Variants in ZNF200 observed in about 807,000 individuals in gnomAD.
The protein encoded by ZNF200 is zinc finger protein 200.
In ZNF200, 35 loss-of-function variants were observed where a neutral mutation model predicts 33.6. That is an observed-to-expected ratio of 1.04 (90% CI 0.80 to 1.38). The LOEUF (loss-of-function observed/expected upper bound fraction) is 1.38. Ranked by LOEUF, ZNF200 falls within the 40% of genes most tolerant of loss-of-function variation. ZNF200 has a pLI of 0.00. For missense variants in ZNF200, 592 were observed against 470.6 expected (o/e 1.26, Z -2.39); for synonymous variants, 209 against 167.7 (o/e 1.25, Z -1.90).
At chr16:3,231,787 G>A (rs745856549) in intron 4 of ZNF200, among the ~76,000 whole-genome samples, 7 of 152,142 alleles carry the variant, frequency 4.6e-5, no homozygotes, top group African/African-American at 9.7e-5. Flanking sequence ...CCCTGAGTCC[G>A]AATCCCTGTT....
At position 3,222,952 on chromosome 16, in the gene ZNF200, G is replaced by T. The variant is rs142816870; in HGVS notation, c.*940C>A. Reference sequence around the variant, plus strand: ...AAAGGTCTGATGACAGCATAGAGGGGACCTAAGCATATGGTAAGGTTATTG... The same window carrying T: ...AAAGGTCTGATGACAGCATAGAGGGTACCTAAGCATATGGTAAGGTTATTG... On this transcript the variant is annotated 3_prime_UTR_variant, in exon 5 of 5. Coordinates refer to ENST00000414144, the MANE Select transcript of ZNF200 (RefSeq NM_198088.3). 1 of 152,232 alleles carries T rather than the reference G, an allele frequency of 6.6e-6. No individual in the cohort carries two copies. The highest frequency in any genetic ancestry group is 2.4e-5 in the African/African-American group (1 of 41,454). The allele number at this position is 152,232 out of a possible 1,614,324, so 9.4% of individuals were successfully genotyped here. A position where few individuals can be genotyped will look rare whatever the true frequency, so the allele number is the denominator to read the frequency against.
At position 3,222,579 on chromosome 16, in the gene ZNF200, G is replaced by A. The variant is rs904893128; in HGVS notation, c.*1313C>T. On this transcript the variant is annotated 3_prime_UTR_variant, in exon 5 of 5. Coordinates refer to ENST00000414144, the MANE Select transcript of ZNF200 (RefSeq NM_198088.3). ...AATATAATACTCTAATAAATAGAAA[G>A]GCATGTTTCTGGATGGGAAACATAC... 6 of 152,080 alleles carry A rather than the reference G, an allele frequency of 3.9e-5. No individual in the cohort carries two copies. The highest frequency in any genetic ancestry group is 1.4e-4 in the African/African-American group (6 of 41,394). 9.4% of individuals were successfully genotyped at this position (152,080 alleles called of 1,614,324 possible). A position where few individuals can be genotyped will look rare whatever the true frequency, so the allele number is the denominator to read the frequency against.
chr16:3,233,942 C>T, intron 1 of ZNF200, 106 bp from the exon 2 acceptor site: 1 of 812,266 alleles, frequency 1.2e-6, no homozygotes, highest in Non-Finnish European at 1.8e-6. Flanking sequence ...AAGAAAACGA[C>T]AGCTGGGATA....
intron 4 of ZNF200, chr16:3,225,889 C>T (rs2141618998): frequency 6.7e-6 from 1 of 150,098 alleles, no homozygotes; most frequent in African/African-American, 2.4e-5. Flanking sequence ...AGTTTCACAC[C>T]AATAGATTTT....
chr16:3,231,337 C>A (rs1422186815), intron 4 of ZNF200, among the ~76,000 whole-genome samples: 1 of 152,180 alleles, frequency 6.6e-6, no homozygotes, highest in African/African-American at 2.4e-5. Flanking sequence ...AAATTAACTA[C>A]ACTCATTACA....
chr16:3,224,704 T>G lies in ZNF200; in HGVS notation c.467-91A>C, dbSNP rs140076513. The G allele has an allele frequency of 4.1e-5, 60 of 1,476,568 alleles. No homozygotes were observed. The South Asian group carries it at 7.6e-4, about 19-fold the overall frequency. The allele number at this position is 1,476,568 out of a possible 1,614,324, so 91.5% of individuals were successfully genotyped here. On this transcript the variant is annotated intron_variant, in intron 4 of 4. Transcript: ENST00000414144. ...TCAGGTTTCTTATGCCACAGCCACCTTGAACGTCAATCTGGGGAGTGGCGG... is the reference window on the plus strand; with the variant it reads ...TCAGGTTTCTTATGCCACAGCCACCGTGAACGTCAATCTGGGGAGTGGCGG...
rs780856375 is a variant in ZNF200 at position 3,223,911 on chromosome 16, T to C, written c.1169A>G (p.Lys390Arg). ...TRHEKTHSAC[K>R]TRKQK ...CCAGTATTACTTCTGCTTTCGGGTC[T>C]TACAGGCTGAGTGGGTTTTCTCATG... Residue 390 changes from lysine to arginine, a missense_variant, in exon 5 of 5, where the codon AAG becomes AGG. Transcript: ENST00000414144. The C allele has an allele frequency of 6.2e-7, 1 of 1,613,178 alleles. No individual in the cohort carries two copies. Among genetic ancestry groups the C allele is most frequent in the South Asian group, 1.1e-5 (1 of 90,966 alleles).
rs890664450 is a variant in ZNF200, at chr16:3,222,855, A to C, written c.*1037T>G. The C allele has an allele frequency of 6.6e-6, 1 of 152,246 alleles. No homozygotes were observed. Among genetic ancestry groups the C allele is most frequent in the Non-Finnish European group, 1.5e-5 (1 of 68,064 alleles). The allele number at this position is 152,246 out of a possible 1,614,324, so 9.4% of individuals were successfully genotyped here. ...AACCTGTCTCTTGAGAGGCAATGTG[A>C]GCTAACCACTGGAGACGTAATTTCT... On this transcript the variant is annotated 3_prime_UTR_variant, in exon 5 of 5. Coordinates refer to ENST00000414144, the MANE Select transcript of ZNF200 (RefSeq NM_198088.3).
rs890861998 is a variant in ZNF200 at position 3,223,384 on chromosome 16, G to A, written c.*508C>T. 6.5e-6 allele frequency: 1 copy of A among 152,714 alleles called. No individual in the cohort carries two copies. The highest frequency in any genetic ancestry group is 1.5e-5 in the Non-Finnish European group (1 of 68,430). The allele number at this position is 152,714 out of a possible 1,614,324, so 9.5% of individuals were successfully genotyped here. ...GTAAACAATTCCTTTCAACACTCAA[G>A]ACTTAAACAGGTATTCTTAGAGGGT... On this transcript the variant is annotated 3_prime_UTR_variant, in exon 5 of 5. Coordinates refer to ENST00000414144, the MANE Select transcript of ZNF200 (RefSeq NM_198088.3).
chr16:3,223,617 G>A lies in ZNF200; in HGVS notation c.*275C>T, dbSNP rs188001665. ...GATTCATCTTCAAAGTGTTGGGAAA[G>A]GGGATCTGTGACCTGTACATTATCA... On this transcript the variant is annotated 3_prime_UTR_variant, in exon 5 of 5. Coordinates refer to ENST00000414144, the MANE Select transcript of ZNF200 (RefSeq NM_198088.3). 10 of 317,382 alleles carry A rather than the reference G, an allele frequency of 3.2e-5. 1 individual carries two copies. Among genetic ancestry groups the A allele is most frequent in the Admixed American group, 1.4e-4 (3 of 21,910 alleles). 19.7% of individuals were successfully genotyped at this position (317,382 alleles called of 1,614,324 possible). A position where few individuals can be genotyped will look rare whatever the true frequency, so the allele number is the denominator to read the frequency against.
At position 3,223,780 on chromosome 16, in the gene ZNF200, T is replaced by G; in HGVS notation, c.*112A>C. 6.9e-7 allele frequency: 1 copy of G among 1,444,162 alleles called. No individual in the cohort carries two copies. Among genetic ancestry groups the G allele is most frequent in the Non-Finnish European group, 9.2e-7 (1 of 1,092,160 alleles). 89.5% of individuals were successfully genotyped at this position (1,444,162 alleles called of 1,614,324 possible). On this transcript the variant is annotated 3_prime_UTR_variant, in exon 5 of 5. Coordinates refer to ENST00000414144, the MANE Select transcript of ZNF200 (RefSeq NM_198088.3). ...ATGGGCATTTATCCAATTTTGGCAATAATGAGATTTTTACACATTTATACC... is the reference window on the plus strand; with the variant it reads ...ATGGGCATTTATCCAATTTTGGCAAGAATGAGATTTTTACACATTTATACC...
At chr16:3,228,332 C>T (rs896358390) in intron 4 of ZNF200, among the ~76,000 whole-genome samples, 1 of 152,008 alleles carries the variant, frequency 6.6e-6, no homozygotes, top group Non-Finnish European at 1.5e-5. Context: ...TCTGATTACT[C>T]TGTTCTACCT....
In ZNF200 at chr16:3,222,558, T is replaced by C. The variant is rs1596330550; in HGVS notation, c.*1334A>G. The C allele has an allele frequency of 1.3e-5, 2 of 152,074 alleles. No individual in the cohort carries two copies. Among genetic ancestry groups the C allele is most frequent in the Admixed American group, 6.6e-5 (1 of 15,266 alleles). The allele number at this position is 152,074 out of a possible 1,614,324, so 9.4% of individuals were successfully genotyped here. ...AATTAGAAAAATTTTCACAGGAATA[T>C]AATACTCTAATAAATAGAAAGGCAT... On this transcript the variant is annotated 3_prime_UTR_variant, in exon 5 of 5. Coordinates refer to ENST00000414144, the MANE Select transcript of ZNF200 (RefSeq NM_198088.3).
intron 3 of ZNF200, 115 bp from the exon 4 acceptor site, chr16:3,232,662 AATCCCAC>A (rs1287769823): frequency 8.6e-6 from 13 of 1,503,352 alleles, no homozygotes; most frequent in African/African-American, 1.4e-5. Context: ...GGGACCTATA[AATCCCAC>A]AGAGGTGCAG....
rs1406980136 is a variant in ZNF200 at position 3,232,839 on chromosome 16, G to T, written c.333C>A (p.Asn111Lys). 6.2e-7 allele frequency: 1 copy of T among 1,613,694 alleles called. No homozygotes were observed. The highest frequency in any genetic ancestry group is 1.1e-5 in the South Asian group (1 of 91,084). Residue 111 changes from asparagine to lysine, a missense_variant, in exon 3 of 5, where the codon AAC (asparagine) becomes AAA (lysine). Physicochemically the swap from Asn to Lys is moderately conservative, Grantham distance 94. Transcript: ENST00000414144. ...QETVSLYLKANPEELVVFEDL... is the reference protein window; with the variant it reads ...QETVSLYLKAKPEELVVFEDL... ...ATGGGAAAACCAAACCCACCTCAGGGTTAGCTTTCAAATACAGAGACACTG... is the reference window on the plus strand; with the variant it reads ...ATGGGAAAACCAAACCCACCTCAGGTTTAGCTTTCAAATACAGAGACACTG...
chr16:3,225,465 T>C (rs1958443178), intron 4 of ZNF200: 1 of 152,084 alleles, frequency 6.6e-6, no homozygotes, highest in African/African-American at 2.4e-5. Context: ...AAGTTTATTA[T>C]TTGGCAATTA....
intron 3 of ZNF200, 33 bp from the exon 4 acceptor site, chr16:3,232,580 A>G (rs1420417798): frequency 1.2e-6 from 2 of 1,609,752 alleles, no homozygotes; most frequent in East Asian, 4.5e-5. Flanking sequence ...TCATCTTAGT[A>G]ACTGAGGTTC....
chr16:3,233,602 T>C lies in ZNF200; in HGVS notation c.154A>G (p.Thr52Ala), dbSNP rs759755875. Reference sequence around the variant, plus strand: ...ACCAGGCTTGGCTTGGGCAAGAAGGTGAGGAAGTGCTCCAGCACTAGCTGG... The same window carrying C: ...ACCAGGCTTGGCTTGGGCAAGAAGGCGAGGAAGTGCTCCAGCACTAGCTGG... Reference protein sequence around the residue: ...IHQLVLEHFLTFLPKPSLVQP... With the variant: ...IHQLVLEHFLAFLPKPSLVQP... Residue 52 changes from threonine to alanine, a missense_variant, in exon 2 of 5, where the codon ACC becomes GCC. Coordinates refer to ENST00000414144, the MANE Select transcript of ZNF200 (RefSeq NM_198088.3). 1 of 1,613,502 alleles carries C rather than the reference T, an allele frequency of 6.2e-7. No individual in the cohort carries two copies. The highest frequency in any genetic ancestry group is 1.1e-5 in the South Asian group (1 of 91,036).
rs1958398699 is a variant in ZNF200, at chr16:3,224,003, C to T, written c.1077G>A (p.Glu359=). The T allele has an allele frequency of 1.2e-6, 2 of 1,614,184 alleles. No individual in the cohort carries two copies. The highest frequency in any genetic ancestry group is 1.7e-6 in the Non-Finnish European group (2 of 1,180,044). ...TTTTGCAACCATATGGTCTCTCAGC[C>T]TCATGACTCTGCAGATGAAGCACAA... ...EEFVLHLQSH[E]AERPYGCKKC... The change falls in exon 5 of 5, where the codon GAG becomes GAA. Residue 359 remains glutamate, a synonymous_variant. Coordinates refer to ENST00000414144, the MANE Select transcript of ZNF200 (RefSeq NM_198088.3).
Sources: gnomAD v4.1 joint callset for allele counts (sites outside exome capture counted in the v4.1 genomes callset) on GRCh38, gnomAD v4.1.1 for gene constraint, MANE v1.5 for transcripts, NCBI Gene and HGNC (gene_info 2026-07-23, HGNC 2026-07-21) for gene names.